CTNND2: variants seen among roughly 807,000 people sequenced by gnomAD.
CTNND2 encodes the protein catenin delta-2.
CTNND2 carries 22 observed loss-of-function variants against 144.4 expected under a neutral mutation model. The observed-to-expected ratio is 0.15, with a 90% CI of 0.11 to 0.22. The LOEUF (loss-of-function observed/expected upper bound fraction) is 0.22. Among genes scored for constraint, CTNND2 ranks in the 10% least tolerant of loss-of-function variants. The probability of loss-of-function intolerance (pLI) is 1.00; values close to 1 mark genes in which losing one functional copy is unlikely to be tolerated. For missense variants in CTNND2, 1,353 were observed against 1,618.8 expected (o/e 0.84, Z 2.82); for synonymous variants, 751 against 695.6 (o/e 1.08, Z -1.25).
intron 1 of CTNND2, among the ~76,000 whole-genome samples, chr5:11,833,947 A>C (rs1395915067): frequency 6.6e-6 from 1 of 152,190 alleles, no homozygotes; most frequent in Non-Finnish European, 1.5e-5. Flanking sequence ...TCAAATCCTG[A>C]ATATATCCTG....
chr5:11,798,582 C>T (rs1002608102), intron 1 of CTNND2, among the ~76,000 whole-genome samples: 1 of 152,208 alleles, frequency 6.6e-6, no homozygotes, highest in African/African-American at 2.4e-5. Flanking sequence ...TCCTGATCAA[C>T]ATGGTGAAAC....
At chr5:11,615,702 C>T (rs1780546740) in intron 2 of CTNND2, among the ~76,000 whole-genome samples, 7 of 152,096 alleles carry the variant, frequency 4.6e-5, no homozygotes, top group Admixed American at 4.6e-4. Context: ...GTTCTCTCTC[C>T]AGTGTGTCAC....
intron 1 of CTNND2, among the ~76,000 whole-genome samples, chr5:11,885,609 T>C (rs1441056453): frequency 6.6e-6 from 1 of 152,128 alleles, no homozygotes; most frequent in Non-Finnish European, 1.5e-5. Context: ...CAGTCTACTT[T>C]CAGCAACGGA....
chr5:11,769,665 A>C lies in CTNND2; in HGVS notation c.38-37393T>G, dbSNP rs1032732860. The stretch of plus-strand genomic sequence containing the variant: ...GGTTTAAGTATAAAACAAGATGGTA[A>C]CCAGAGATACTAAGTGGACAGTACA... On this transcript the variant is annotated intron_variant, in intron 1 of 21. Transcript: ENST00000304623. 3.3e-5 allele frequency among the ~76,000 whole-genome samples: 5 copies of C among 152,238 alleles called. No individual in the cohort carries two copies. In the East Asian group the frequency reaches 9.6e-4, roughly 29 times the overall value.
chr5:11,761,345 A>G (rs1285503770), intron 1 of CTNND2, among the ~76,000 whole-genome samples: 3 of 152,228 alleles, frequency 2.0e-5, no homozygotes, highest in Admixed American at 6.6e-5. Flanking sequence ...TACCACACAT[A>G]TAATTTGCAC....
intron 1 of CTNND2, among the ~76,000 whole-genome samples, chr5:11,862,497 A>G (rs530297230): frequency 7.9e-5 from 12 of 152,328 alleles, no homozygotes; most frequent in African/African-American, 2.9e-4. Flanking sequence ...TCCCAAAAGT[A>G]CATTCATGGA....
chr5:11,077,696 T>A (rs35030679), intron 16 of CTNND2, among the ~76,000 whole-genome samples: 11,692 of 152,002 alleles, frequency 0.077, 582 homozygotes, highest in Non-Finnish European at 0.1. Context: ...TAGGAGACCA[T>A]CTAGGGTGAA....
chr5:11,900,133 G>C (rs944983193), intron 1 of CTNND2, among the ~76,000 whole-genome samples: 4 of 152,152 alleles, frequency 2.6e-5, no homozygotes, highest in Non-Finnish European at 4.4e-5. Flanking sequence ...AGAGAGACAG[G>C]TGAATATTTA....
At chr5:11,074,633 A>G (rs914541452) in intron 16 of CTNND2, among the ~76,000 whole-genome samples, 1 of 152,162 alleles carries the variant, frequency 6.6e-6, no homozygotes, top group African/African-American at 2.4e-5. Context: ...AACATTCAGG[A>G]CAGTATTGAT....
intron 11 of CTNND2, among the ~76,000 whole-genome samples, chr5:11,185,555 C>T (rs557937174): frequency 6.6e-5 from 10 of 152,336 alleles, no homozygotes; most frequent in South Asian, 6.2e-4. Flanking sequence ...CTGGGGATGG[C>T]ACACAGTTGA....
At chr5:11,282,195 G>A (rs900989825) in intron 9 of CTNND2, among the ~76,000 whole-genome samples, 4 of 152,064 alleles carry the variant, frequency 2.6e-5, no homozygotes, top group South Asian at 2.1e-4. Context: ...ATATCAGCAC[G>A]ATCAGTCAAT....
chr5:11,810,926 T>C (rs1792297008), intron 1 of CTNND2, among the ~76,000 whole-genome samples: 1 of 152,174 alleles, frequency 6.6e-6, no homozygotes, highest in Non-Finnish European at 1.5e-5. Flanking sequence ...TATGTCTATT[T>C]CCATAATGTG....
chr5:11,036,182 C>T (rs1744046258), intron 16 of CTNND2, among the ~76,000 whole-genome samples: 1 of 152,050 alleles, frequency 6.6e-6, no homozygotes, highest in South Asian at 2.1e-4. Flanking sequence ...AATTTCCTCA[C>T]TTGTGGAAAT....
At chr5:11,556,078 G>T (rs954521222) in intron 3 of CTNND2, among the ~76,000 whole-genome samples, 11 of 152,092 alleles carry the variant, frequency 7.2e-5, no homozygotes, top group Admixed American at 1.3e-4. Context: ...ATGAGAAATG[G>T]TTTTTTTCCT....
chr5:11,693,795 A>G (rs1210001719), intron 2 of CTNND2, among the ~76,000 whole-genome samples: 2 of 152,232 alleles, frequency 1.3e-5, no homozygotes, highest in Non-Finnish European at 2.9e-5. Flanking sequence ...TTTGTTCTAT[A>G]AAGTCAATGA....
intron 9 of CTNND2, among the ~76,000 whole-genome samples, chr5:11,255,383 G>A (rs538283634): frequency 5.3e-5 from 8 of 152,178 alleles, no homozygotes; most frequent in Non-Finnish European, 7.3e-5. Flanking sequence ...CACAGAGGCC[G>A]ACTAGAACTT....
chr5:11,481,046 A>G (rs1301571875), intron 3 of CTNND2, among the ~76,000 whole-genome samples: 2 of 152,212 alleles, frequency 1.3e-5, no homozygotes. Flanking sequence ...ATCAAAAAGC[A>G]TGATTATATA....
chr5:11,700,551 T>A (rs1193332270), intron 2 of CTNND2, among the ~76,000 whole-genome samples: 1 of 152,172 alleles, frequency 6.6e-6, no homozygotes, highest in Non-Finnish European at 1.5e-5. Context: ...ATGGTGAGAA[T>A]GTGCCTCGGG....
chr5:11,500,275 C>T (rs1770414200), intron 3 of CTNND2, among the ~76,000 whole-genome samples: 2 of 152,102 alleles, frequency 1.3e-5, no homozygotes, highest in South Asian at 4.1e-4. Flanking sequence ...GGCACAATCC[C>T]TAACACATGG....
Sources: gnomAD v4.1 joint callset for allele counts (sites outside exome capture counted in the v4.1 genomes callset) on GRCh38, gnomAD v4.1.1 for gene constraint, MANE v1.5 for transcripts, NCBI Gene and HGNC (gene_info 2026-07-23, HGNC 2026-07-21) for gene names.